The following WDR59 variants were observed in gnomAD, a reference collection of about 807,000 sequenced individuals.
WDR59 encodes the protein GATOR2 complex protein WDR59.
Under a neutral mutation model 131.2 loss-of-function variants are expected in WDR59, and 100 were observed. That is an observed-to-expected ratio of 0.76 (90% CI 0.65 to 0.90). The LOEUF is 0.90. WDR59 is among the 40% of genes least tolerant of loss of function. The pLI, the probability that WDR59 is intolerant of heterozygous loss-of-function variation, is 0.00. For missense variants in WDR59, 1,203 were observed against 1,262.2 expected (o/e 0.95, Z 0.71); for synonymous variants, 601 against 466.2 (o/e 1.29, Z -3.72).
intron 11 of WDR59, among the ~76,000 whole-genome samples, chr16:74,917,354 C>T (rs1966440940): frequency 6.6e-6 from 1 of 152,200 alleles, no homozygotes; most frequent in Non-Finnish European, 1.5e-5. Flanking sequence ...AGGGCACATA[C>T]TCAGGGAGCT....
intron 7 of WDR59, among the ~76,000 whole-genome samples, chr16:74,940,250 G>C (rs1246642688): frequency 6.6e-6 from 1 of 151,756 alleles, no homozygotes; most frequent in East Asian, 1.9e-4. Context: ...GTGGTGGTGG[G>C]CACCTGTAAT....
intron 20 of WDR59, among the ~76,000 whole-genome samples, 159 bp from the exon 21 acceptor site, chr16:74,889,974 T>G (rs976389568): frequency 6.6e-6 from 1 of 152,168 alleles, no homozygotes; most frequent in Non-Finnish European, 1.5e-5. Flanking sequence ...TAGGCCCCAC[T>G]TAGACCTACT....
At chr16:74,970,495 CAAAAAAAAAAAAAA>C (rs746574195) in intron 1 of WDR59, among the ~76,000 whole-genome samples, 22 of 33,446 alleles carry the variant, frequency 6.6e-4, no homozygotes, top group Middle Eastern at 0.053. Flanking sequence ...ACTCTGTCTC[CAAAAAAAAAAAAAA>C]AAAAAAAAAA....
At chr16:74,945,843 A>G (rs1191680871) in intron 6 of WDR59, among the ~76,000 whole-genome samples, 1 of 136,986 alleles carries the variant, frequency 7.3e-6, no homozygotes, top group Non-Finnish European at 1.6e-5. Context: ...TTTGAGACAG[A>G]GTTTTGCTCT....
chr16:74,874,504 A>C, intron 25 of WDR59, 60 bp from the exon 26 acceptor site: 3 of 1,471,480 alleles, frequency 2.0e-6, no homozygotes, highest in African/African-American at 1.4e-5. Context: ...CTGAAAAAGG[A>C]AACTGGGGCT....
At chr16:74,909,048 G>A in intron 16 of WDR59, 71 bp from the exon 17 acceptor site, 2 of 1,345,464 alleles carry the variant, frequency 1.5e-6, no homozygotes, top group Admixed American at 1.7e-5. Flanking sequence ...AGGCAGGACT[G>A]GCCAGTCTTT....
intron 9 of WDR59, among the ~76,000 whole-genome samples, chr16:74,922,482 G>GA (rs999096474): frequency 2.6e-5 from 4 of 152,300 alleles, no homozygotes. Context: ...GGCTGACAGG[G>GA]AAAATCCCTG....
intron 25 of WDR59, among the ~76,000 whole-genome samples, chr16:74,883,429 T>G (rs115477580): frequency 0.015 from 2,292 of 152,240 alleles, 41 homozygotes; most frequent in African/African-American, 0.05. Context: ...GGGTTCAGCT[T>G]TATCATGCCC....
intron 21 of WDR59, 76 bp downstream of exon 21, chr16:74,889,627 G>T: frequency 8.8e-7 from 1 of 1,137,930 alleles, no homozygotes. Context: ...TTTCTCTTAG[G>T]TGGTGACATT....
chr16:74,900,421 A>T (rs1965498387), intron 18 of WDR59, among the ~76,000 whole-genome samples: 1 of 152,220 alleles, frequency 6.6e-6, no homozygotes, highest in Admixed American at 6.5e-5. Flanking sequence ...ATCAGAAATT[A>T]TTCTATTAAC....
intron 25 of WDR59, among the ~76,000 whole-genome samples, chr16:74,883,817 C>T (rs1474958460): frequency 2.6e-5 from 4 of 152,202 alleles, no homozygotes; most frequent in Admixed American, 2.0e-4. Flanking sequence ...ATTCCCACAG[C>T]TGGAATGCCA....
chr16:74,946,844 A>G (rs1381202653), intron 6 of WDR59, among the ~76,000 whole-genome samples: 1 of 152,244 alleles, frequency 6.6e-6, no homozygotes, highest in Non-Finnish European at 1.5e-5. Flanking sequence ...ACAGAGGGAA[A>G]AAGTACCATG....
intron 21 of WDR59, among the ~76,000 whole-genome samples, 157 bp from the exon 22 acceptor site, chr16:74,888,476 G>A (rs1013126352): frequency 6.6e-5 from 10 of 152,142 alleles, no homozygotes; most frequent in South Asian, 4.1e-4. Flanking sequence ...CTACAGATCC[G>A]GCAGTTTGAC....
At chr16:74,983,533 T>C (rs1248017260) in intron 1 of WDR59, among the ~76,000 whole-genome samples, 1 of 152,012 alleles carries the variant, frequency 6.6e-6, no homozygotes, top group Non-Finnish European at 1.5e-5. Context: ...TCCTAGGTGC[T>C]GGGGAAGAGG....
At chr16:74,894,309 C>A (rs1024016493) in intron 18 of WDR59, among the ~76,000 whole-genome samples, 3 of 152,096 alleles carry the variant, frequency 2.0e-5, no homozygotes, top group Non-Finnish European at 2.9e-5. Flanking sequence ...AGAAACTTTG[C>A]ACCTTGAGGA....
At chr16:74,945,482 T>TAAA (rs796605514) in intron 6 of WDR59, among the ~76,000 whole-genome samples, 4 of 136,012 alleles carry the variant, frequency 2.9e-5, no homozygotes, top group African/African-American at 1.1e-4. Flanking sequence ...GTCTCAAAAA[T>TAAA]AAAAAAAAAA....
intron 20 of WDR59, among the ~76,000 whole-genome samples, chr16:74,890,019 G>A (rs1964962066): frequency 6.6e-6 from 1 of 152,110 alleles, no homozygotes; most frequent in African/African-American, 2.4e-5. Context: ...ACTCTTTAGG[G>A]GAGTTATGTG....
At chr16:74,905,191 C>T (rs12930266) in intron 17 of WDR59, among the ~76,000 whole-genome samples, 75,127 of 151,614 alleles carry the variant, frequency 0.5, 21,974 homozygotes, top group Admixed American at 0.64. Context: ...GCCTGACCAA[C>T]GTGGAGAAAC....
At chr16:74,975,132 C>T (rs1020124335) in intron 1 of WDR59, among the ~76,000 whole-genome samples, 1 of 152,054 alleles carries the variant, frequency 6.6e-6, no homozygotes, top group Non-Finnish European at 1.5e-5. Flanking sequence ...ATGCCAAGGT[C>T]GGTGGATCAC....
Sources: allele counts gnomAD v4.1 joint callset (sites outside exome capture counted in the v4.1 genomes callset), GRCh38; gene constraint gnomAD v4.1.1; transcripts MANE v1.5; gene names NCBI Gene and HGNC (gene_info 2026-07-23, HGNC 2026-07-21).